HDAC9: variants seen among roughly 807,000 people sequenced by gnomAD.
HDAC9 encodes the protein MEF-2 interacting transcription repressor (MITR) protein.
Under a neutral mutation model 139.4 loss-of-function variants are expected in HDAC9, and 41 were observed. That is an observed-to-expected ratio of 0.29 (90% CI 0.23 to 0.38). The LOEUF (loss-of-function observed/expected upper bound fraction) is 0.38, where lower values mean the gene tolerates loss of function less well. Ranked by LOEUF, HDAC9 falls within the 10% of genes least tolerant of loss-of-function variation. The pLI, the probability that HDAC9 is intolerant of heterozygous loss-of-function variation, is 1.00. For missense variants in HDAC9, 1,147 were observed against 1,297.0 expected (o/e 0.88, Z 1.78); for synonymous variants, 517 against 476.2 (o/e 1.09, Z -1.12).
At chr7:18,485,463 T>A (rs1586225825) in intron 1 of HDAC9, among the ~76,000 whole-genome samples, 1 of 149,928 alleles carries the variant, frequency 6.7e-6, no homozygotes, top group Non-Finnish European at 1.5e-5. Flanking sequence ...TTATTATATA[T>A]ATTTATTTTT....
intron 13 of HDAC9, among the ~76,000 whole-genome samples, chr7:18,731,008 G>A (rs2129131918): frequency 6.6e-6 from 1 of 152,292 alleles, no homozygotes. Context: ...TAATGGGCAG[G>A]TGACATAGAG....
chr7:18,252,609 G>A (rs1443485640), intron 2 of HDAC9, among the ~76,000 whole-genome samples: 1 of 152,042 alleles, frequency 6.6e-6, no homozygotes, highest in Non-Finnish European at 1.5e-5. Flanking sequence ...CACTTTGAAT[G>A]TATTACTTTG....
At chr7:18,434,414 TA>T (rs1790980454) in intron 1 of HDAC9, among the ~76,000 whole-genome samples, 1 of 152,186 alleles carries the variant, frequency 6.6e-6, no homozygotes, top group Non-Finnish European at 1.5e-5. Context: ...GGGACCTAAT[TA>T]AACTAAAGAG....
At chr7:18,608,617 A>G (rs191496086) in intron 6 of HDAC9, among the ~76,000 whole-genome samples, 5 of 152,280 alleles carry the variant, frequency 3.3e-5, no homozygotes, top group Admixed American at 3.3e-4. Flanking sequence ...AATTTTGTCA[A>G]TTATGAGATA....
intron 1 of HDAC9, among the ~76,000 whole-genome samples, chr7:18,399,484 A>G (rs1281862891): frequency 6.6e-6 from 1 of 152,222 alleles, no homozygotes; most frequent in Non-Finnish European, 1.5e-5. Flanking sequence ...AATGGCACTC[A>G]TTGTTTAAAG....
At chr7:18,668,740 A>G (rs1232341622) in intron 12 of HDAC9, 1 of 978,708 alleles carries the variant, frequency 1.0e-6, no homozygotes, top group Non-Finnish European at 1.2e-6. Flanking sequence ...ACACCCTTGA[A>G]GGTGATCTCT....
intron 2 of HDAC9, among the ~76,000 whole-genome samples, chr7:18,209,046 T>C (rs1007298360): frequency 5.3e-5 from 8 of 152,246 alleles, no homozygotes; most frequent in African/African-American, 1.9e-4. Flanking sequence ...TTTCAAATTT[T>C]ATTTTGTTTA....
intron 1 of HDAC9, among the ~76,000 whole-genome samples, chr7:18,318,678 G>A (rs934251447): frequency 2.0e-4 from 30 of 152,314 alleles, no homozygotes; most frequent in African/African-American, 7.0e-4. Context: ...TTTCTTGAGA[G>A]ACGAAGGCAG....
At chr7:18,553,512 CAG>C (rs1817781025) in intron 2 of HDAC9, among the ~76,000 whole-genome samples, 1 of 152,176 alleles carries the variant, frequency 6.6e-6, no homozygotes, top group Non-Finnish European at 1.5e-5. Context: ...TAAGAACAAA[CAG>C]TACTTGTGTG....
intron 7 of HDAC9, among the ~76,000 whole-genome samples, chr7:18,633,614 T>C (rs1237095257): frequency 1.3e-5 from 2 of 152,082 alleles, no homozygotes; most frequent in African/African-American, 2.4e-5. Flanking sequence ...GTGGAAATCA[T>C]ATCAAAAATC....
rs79142661 is a variant in HDAC9, at chr7:18,539,692, T to C, written c.22+43368T>C. Among the ~76,000 whole-genome samples the C allele has an allele frequency of 5.1e-3, 778 of 152,240 alleles. 46 individuals are homozygous for C. In the East Asian group the frequency reaches 0.12, roughly 24 times the overall value. ...TTTGTTGTTGTTGTTGTTGTTGTTG[T>C]TGTTTAAACTGAAAAGGAAAAACAT... On this transcript the variant is annotated intron_variant, in intron 2 of 25. Coordinates refer to ENST00000686413, the MANE Select transcript of HDAC9 (RefSeq NM_178425.4).
chr7:18,459,802 C>T (rs1793674085), intron 1 of HDAC9, among the ~76,000 whole-genome samples: 1 of 152,080 alleles, frequency 6.6e-6, no homozygotes, highest in Non-Finnish European at 1.5e-5. Flanking sequence ...AGCTTTTCTT[C>T]CTGTCCTCAT....
chr7:18,416,493 T>C (rs1213096450), intron 1 of HDAC9, among the ~76,000 whole-genome samples: 1 of 152,140 alleles, frequency 6.6e-6, no homozygotes, highest in Non-Finnish European at 1.5e-5. Flanking sequence ...ATATTTTCTT[T>C]AATCATTTTA....
upstream of HDAC9, chr7:18,290,286 A>G: frequency 2.8e-6 from 1 of 353,708 alleles, no homozygotes; most frequent in Non-Finnish European, 5.6e-6. Flanking sequence ...TGCAGTCTTT[A>G]TAAAGTCGTT....
At chr7:18,154,868 A>G (rs1787060765) in intron 1 of HDAC9, among the ~76,000 whole-genome samples, 1 of 152,224 alleles carries the variant, frequency 6.6e-6, no homozygotes, top group Admixed American at 6.5e-5. Flanking sequence ...GTGAGGTAGT[A>G]GACCAGGGGA....
chr7:18,327,633 T>A (rs1410165938), intron 1 of HDAC9: 1 of 151,960 alleles, frequency 6.6e-6, no homozygotes, highest in Non-Finnish European at 1.5e-5. Flanking sequence ...CTTGTTTTTA[T>A]ATCTGGCATA....
At chr7:18,939,757 G>C (rs1223163279) in intron 23 of HDAC9, among the ~76,000 whole-genome samples, 1 of 152,170 alleles carries the variant, frequency 6.6e-6, no homozygotes, top group East Asian at 1.9e-4. Context: ...TCAAATCCCA[G>C]TTTCCCTCCA....
At position 18,973,643 on chromosome 7, in the gene HDAC9, G is replaced by A. The variant is rs548876381; in HGVS notation, c.3023-2163G>A. ...AAATATTAGAGCTGGATAGTATTTGGCATTGTGATCTAGCGAAACTAGGCC... is the reference window on the plus strand; with the variant it reads ...AAATATTAGAGCTGGATAGTATTTGACATTGTGATCTAGCGAAACTAGGCC... On this transcript the variant is annotated intron_variant, in intron 24 of 25. Transcript: ENST00000686413. Among the ~76,000 whole-genome samples the A allele has an allele frequency of 3.9e-5, 6 of 152,270 alleles. No homozygotes were observed. In the South Asian group the frequency reaches 1.2e-3, roughly 32 times the overall value.
intron 1 of HDAC9, among the ~76,000 whole-genome samples, chr7:18,482,727 C>T (rs1039884649): frequency 1.3e-5 from 2 of 152,044 alleles, no homozygotes; most frequent in Non-Finnish European, 2.9e-5. Context: ...CCTGGGCCAT[C>T]GAATCAAAGC....
Sources: gnomAD v4.1 joint callset for allele counts (sites outside exome capture counted in the v4.1 genomes callset) on GRCh38, gnomAD v4.1.1 for gene constraint, MANE v1.5 for transcripts, NCBI Gene and HGNC (gene_info 2026-07-23, HGNC 2026-07-21) for gene names.